Variants in ATP8A2 observed in about 807,000 individuals in gnomAD.
The protein encoded by ATP8A2 is phospholipid-transporting ATPase IB.
ATP8A2 carries 100 observed loss-of-function variants against 165.6 expected under a neutral mutation model. That is an observed-to-expected ratio of 0.60 (90% CI 0.51 to 0.71). The LOEUF is 0.71. Ranked by LOEUF, ATP8A2 falls within the 30% of genes least tolerant of loss-of-function variation. The pLI, the probability that ATP8A2 is intolerant of heterozygous loss-of-function variation, is 0.00. For synonymous variants in ATP8A2, 543 were observed against 548.8 expected (o/e 0.99, Z 0.15); for missense variants, 1,227 against 1,479.5 (o/e 0.83, Z 2.80).
At chr13:25,779,795 G>A (rs763144208) in intron 27 of ATP8A2, among the ~76,000 whole-genome samples, 1 of 152,176 alleles carries the variant, frequency 6.6e-6, no homozygotes, top group Non-Finnish European at 1.5e-5. Flanking sequence ...GTTGACAATG[G>A]GAGGAATTTG....
intron 30 of ATP8A2, among the ~76,000 whole-genome samples, chr13:25,840,360 G>A (rs1332212531): frequency 6.6e-6 from 1 of 152,156 alleles, no homozygotes; most frequent in Non-Finnish European, 1.5e-5. Context: ...ATTGTTCAAA[G>A]AACCAAAGAA....
chr13:25,506,808 G>A (rs2037051124), intron 2 of ATP8A2, among the ~76,000 whole-genome samples: 1 of 152,026 alleles, frequency 6.6e-6, no homozygotes, highest in Non-Finnish European at 1.5e-5. Flanking sequence ...AACAAAGTTT[G>A]TGTACATTGA....
rs149236986 is a variant in ATP8A2, at chr13:25,607,303, A to G, written c.2211+17604A>G. 8.5e-5 allele frequency among the ~76,000 whole-genome samples: 13 copies of G among 152,254 alleles called. No individual in the cohort carries two copies. In the East Asian group the frequency reaches 2.5e-3, roughly 29 times the overall value. On this transcript the variant is annotated intron_variant, in intron 24 of 36. Coordinates refer to ENST00000381655, the MANE Select transcript of ATP8A2 (RefSeq NM_016529.6). ...CTGGCGAGTGCGACAAATCCAGCTCACCACTTGTTTTTATAAATAAAGTTT... is the reference window on the plus strand; with the variant it reads ...CTGGCGAGTGCGACAAATCCAGCTCGCCACTTGTTTTTATAAATAAAGTTT...
Position 25,960,976 on chromosome 13 carries a change from G to A in ATP8A2, c.3184-599G>A, listed in dbSNP as rs541989024. On this transcript the variant is annotated intron_variant, in intron 33 of 36. Transcript: ENST00000381655. ...TTCCAGGCACATCTCATACTCTGTC[G>A]TCTTTAAGAAGTCTTCCCAGAAACC... 1.2e-4 allele frequency among the ~76,000 whole-genome samples: 18 copies of A among 152,188 alleles called. No individual in the cohort carries two copies. The South Asian group carries it at 2.7e-3, about 23-fold the overall frequency.
intron 1 of ATP8A2, among the ~76,000 whole-genome samples, chr13:25,451,057 C>A (rs1264314704): frequency 6.6e-6 from 1 of 152,056 alleles, no homozygotes; most frequent in African/African-American, 2.4e-5. Flanking sequence ...CCTCTCTAAC[C>A]CCTTTTTCCC....
intron 24 of ATP8A2, among the ~76,000 whole-genome samples, chr13:25,684,306 A>T (rs975907131): frequency 1.3e-5 from 2 of 152,192 alleles, no homozygotes; most frequent in African/African-American, 4.8e-5. Context: ...TTTATTCCTC[A>T]AATGTTGCTA....
At chr13:25,936,558 C>T (rs1040672377) in intron 33 of ATP8A2, among the ~76,000 whole-genome samples, 9 of 152,236 alleles carry the variant, frequency 5.9e-5, no homozygotes, top group Admixed American at 3.3e-4. Context: ...GGAAATAATC[C>T]CAATCCCACA....
At chr13:25,587,840 T>A (rs1470773927) in intron 23 of ATP8A2, among the ~76,000 whole-genome samples, 1 of 152,220 alleles carries the variant, frequency 6.6e-6, no homozygotes, top group Non-Finnish European at 1.5e-5. Context: ...ATTATTCTAG[T>A]CCTACCAGGC....
At chr13:25,701,852 A>T (rs1478545205) in intron 25 of ATP8A2, among the ~76,000 whole-genome samples, 2 of 152,088 alleles carry the variant, frequency 1.3e-5, no homozygotes, top group East Asian at 3.9e-4. Flanking sequence ...AGGGGAGTTC[A>T]AACTGGAATT....
At chr13:25,674,436 C>G (rs188659151) in intron 24 of ATP8A2, among the ~76,000 whole-genome samples, 1 of 152,262 alleles carries the variant, frequency 6.6e-6, no homozygotes, top group Admixed American at 6.5e-5. Context: ...CAAACCAGAT[C>G]ATTAGGTCTC....
rs1566299785 is a variant in ATP8A2 at position 25,953,545 on chromosome 13, A to AAAAAAACAAC, written c.3184-8029_3184-8028insAAAAACAACA. Among the ~76,000 whole-genome samples the AAAAAAACAAC allele has an allele frequency of 1.1e-4, 14 of 122,754 alleles. No homozygotes were observed. Among genetic ancestry groups the AAAAAAACAAC allele is most frequent in the Admixed American group, 1.5e-4 (2 of 13,086 alleles). The allele number at this position is 122,754 out of a possible 152,430, so 80.5% of individuals were successfully genotyped here. On this transcript the variant is annotated intron_variant, in intron 33 of 36. Coordinates refer to ENST00000381655, the MANE Select transcript of ATP8A2 (RefSeq NM_016529.6). The surrounding 1 kb of genome is among the most constrained non-coding windows in gnomAD (Gnocchi z 6.7). Reference sequence around the variant, plus strand: ...TTTAAAAAAAAAAAAAAAAAAAAAAAAGCAAGGGAAATAGGCAAGACGGCC... The same window carrying AAAAAAACAAC: ...TTTAAAAAAAAAAAAAAAAAAAAAAAAAAAAACAACAGCAAGGGAAATAGGCAAGACGGCC...
chr13:25,510,565 T>C (rs1328272375), intron 2 of ATP8A2, among the ~76,000 whole-genome samples: 2 of 152,252 alleles, frequency 1.3e-5, no homozygotes, highest in Non-Finnish European at 2.9e-5. Context: ...AATGTTGCAC[T>C]CTGAGTGCTG....
Position 25,574,811 on chromosome 13 carries a change from G to A in ATP8A2, c.1666G>A (p.Gly556Arg). The A allele has an allele frequency of 1.3e-6, 2 of 1,559,540 alleles. No homozygotes were observed. Among genetic ancestry groups the A allele is most frequent in the East Asian group, 2.2e-5 (1 of 44,744 alleles). The change falls in exon 19 of 37, where the codon GGA becomes AGA. Residue 556 changes from glycine (G) to arginine (R), a missense_variant. Gly to Arg is a moderately radical substitution (Grantham distance 125, BLOSUM62 -2). This residue lies in a region of ATP8A2 where 592 missense variants were observed against 785.6 expected (regional missense o/e 0.75). Transcript: ENST00000381655. ...GAGCCTATTTTTCTTCCTTTAGATG[G>A]GACAGGAACAAACATTCGGAATCCT... ...TPFSVIIEAM[G>R]QEQTFGILNV...
At chr13:25,894,572 A>G (rs968051599) in intron 33 of ATP8A2, among the ~76,000 whole-genome samples, 27 of 152,202 alleles carry the variant, frequency 1.8e-4, no homozygotes, top group Admixed American at 7.9e-4. Flanking sequence ...TTCTGTGAAG[A>G]AAGTCATTGG....
intron 30 of ATP8A2, among the ~76,000 whole-genome samples, chr13:25,852,403 A>G (rs376935594): frequency 4.0e-4 from 61 of 152,306 alleles, no homozygotes; most frequent in South Asian, 1.7e-3. Flanking sequence ...TGAAATGTCC[A>G]CACCAACTCA....
intron 24 of ATP8A2, among the ~76,000 whole-genome samples, chr13:25,663,044 A>G (rs2042083424): frequency 6.6e-6 from 1 of 152,196 alleles, no homozygotes. Flanking sequence ...TGATCATCTC[A>G]GGGCACCTGC....
intron 28 of ATP8A2, among the ~76,000 whole-genome samples, chr13:25,829,668 GTATATATATATATATA>G (rs71080203): frequency 0.012 from 782 of 63,370 alleles, 25 homozygotes; most frequent in South Asian, 0.036. Flanking sequence ...GACAGGTGTG[GTATATATATATATATA>G]TATATATATA....
rs143096676 is a variant in ATP8A2 at position 25,427,345 on chromosome 13, A to G, written c.77-41632A>G. 8.4e-3 allele frequency among the ~76,000 whole-genome samples: 1,274 copies of G among 152,078 alleles called. 22 individuals carry two copies. Among genetic ancestry groups the G allele is most frequent in the African/African-American group, 0.028 (1,178 of 41,438 alleles). The stretch of plus-strand genomic sequence containing the variant: ...CAGATGGGACCATCTAGTTGCAGGA[A>G]AACAAGCTCAAGGCTCCCACTGATT... On this transcript the variant is annotated intron_variant, in intron 1 of 36. Coordinates refer to ENST00000381655, the MANE Select transcript of ATP8A2 (RefSeq NM_016529.6).
At chr13:25,401,779 G>T (rs1453714134) in intron 1 of ATP8A2, among the ~76,000 whole-genome samples, 3 of 152,058 alleles carry the variant, frequency 2.0e-5, no homozygotes, top group African/African-American at 4.8e-5. Flanking sequence ...TATAAATTAG[G>T]CACAGTAAGA....
Sources: gnomAD v4.1 joint callset for allele counts (sites outside exome capture counted in the v4.1 genomes callset) on GRCh38, gnomAD v4.1.1 for gene constraint, gnomAD v4.1.1 regional missense constraint, Gnocchi (gnomAD v3.1) non-coding constraint, MANE v1.5 for transcripts, NCBI Gene and HGNC (gene_info 2026-07-23, HGNC 2026-07-21) for gene names.